The following ATAD2 variants were observed in gnomAD, a reference collection of about 807,000 sequenced individuals.
The protein encoded by ATAD2 is ATPase family AAA domain containing 2.
A neutral mutation model predicts 168.9 loss-of-function variants in ATAD2; 62 were observed. The ratio of observed to expected loss-of-function variants is 0.37; its 90% CI spans 0.30 to 0.45. The LOEUF is 0.45. ATAD2 is among the 20% of genes least tolerant of loss of function. ATAD2 has a pLI of 1.00. For missense variants in ATAD2, 1,419 were observed against 1,667.8 expected, an observed-to-expected ratio of 0.85 and a Z score of 2.60; for synonymous variants, 613 against 571.6, an observed-to-expected ratio of 1.07 and a Z score of -1.03.
At chr8:123,413,494 T>G (rs1813194683) in intron 1 of ATAD2, among the ~76,000 whole-genome samples, 2 of 152,204 alleles carry the variant, frequency 1.3e-5, no homozygotes, top group Non-Finnish European at 2.9e-5. Flanking sequence ...CTACTATTAT[T>G]ATCCTCATTT....
upstream of ATAD2, among the ~76,000 whole-genome samples, chr8:123,397,004 G>A (rs1812879918): frequency 6.6e-6 from 1 of 151,684 alleles, no homozygotes; most frequent in African/African-American, 2.4e-5. Context: ...AAAACACAAG[G>A]AGCTAAAAGC....
chr8:123,328,433 T>C lies in ATAD2; in HGVS notation c.3625A>G (p.Ser1209Gly), dbSNP rs766705616. The C allele has an allele frequency of 1.9e-6, 3 of 1,611,538 alleles. No homozygotes were observed. The Admixed American group carries it at 5.0e-5, about 27-fold the overall frequency. Residue 1209 changes from serine to glycine, a missense_variant, in exon 25 of 28, where the codon AGT becomes GGT. Physicochemically the swap from Ser to Gly is moderately conservative, Grantham distance 56. This residue lies in a region of ATAD2 where 303 missense variants were observed against 304.3 expected (regional missense o/e 1.00). Coordinates refer to ENST00000287394, the MANE Select transcript of ATAD2 (RefSeq NM_014109.4). ...ESDTEETQDT[S>G]VDHNETGNTG... ...TTTCCGGTCTCATTATGATCTACAC[T>C]TGTGTCTTGAGTTTCCTCTGTATCA...
At chr8:123,368,450 T>C (rs1221220150) in intron 8 of ATAD2, among the ~76,000 whole-genome samples, 1 of 151,328 alleles carries the variant, frequency 6.6e-6, no homozygotes, top group African/African-American at 2.4e-5. Context: ...ATAAATAAAA[T>C]AAAAATAGAA....
intron 8 of ATAD2, among the ~76,000 whole-genome samples, chr8:123,367,699 G>C (rs552185140): frequency 5.9e-4 from 90 of 152,264 alleles, no homozygotes; most frequent in African/African-American, 2.1e-3. Flanking sequence ...GAAAAGCCCT[G>C]AGAGACTGAG....
intron 1 of ATAD2, 117 bp from the exon 2 acceptor site, chr8:123,380,794 A>C (rs1313770613): frequency 1.1e-6 from 1 of 940,732 alleles, no homozygotes; most frequent in Admixed American, 2.8e-5. Context: ...GTGCAGAATC[A>C]TTTTGTATCT....
intron 1 of ATAD2, among the ~76,000 whole-genome samples, chr8:123,407,192 A>G (rs571483229): frequency 2.0e-5 from 3 of 152,334 alleles, no homozygotes; most frequent in South Asian, 2.1e-4. Context: ...AAATCTCCAG[A>G]AAGAATCAAC....
upstream of ATAD2, among the ~76,000 whole-genome samples, chr8:123,398,686 T>C (rs1368194135): frequency 6.6e-6 from 1 of 151,038 alleles, no homozygotes; most frequent in East Asian, 2.0e-4. Flanking sequence ...TAATTTGTTT[T>C]TAGAGACGGG....
chr8:123,396,346 G>T lies in ATAD2; in HGVS notation c.12C>A (p.Leu4=). MVV[L]RSSLELHNHS... The stretch of plus-strand genomic sequence containing the variant: ...GGTTGTGCAGCTCCAAGCTGCTGCG[G>T]AGAACCACCATCTTCTCTCCCTACT... The change falls in exon 1 of 28, where the codon CTC becomes CTA. Residue 4 remains leucine, a synonymous_variant. Transcript: ENST00000287394. 2.5e-6 allele frequency: 4 copies of T among 1,596,382 alleles called. No individual in the cohort carries two copies. In the East Asian group the frequency reaches 6.9e-5, roughly 28 times the overall value.
At chr8:123,344,529 A>G (rs908077485) in intron 19 of ATAD2, 7 of 182,210 alleles carry the variant, frequency 3.8e-5, no homozygotes, top group African/African-American at 1.7e-4. Context: ...TTGTATTTTT[A>G]GTAGGGACAG....
At position 123,359,685 on chromosome 8, in the gene ATAD2, C is replaced by T. The variant is rs1218817058; in HGVS notation, c.1158G>A (p.Arg386=). Residue 386 remains arginine (R), a splice_region_variant and synonymous_variant, in exon 10 of 28, where the codon AGG becomes AGA. Coordinates refer to ENST00000287394, the MANE Select transcript of ATAD2 (RefSeq NM_014109.4). ...CTTTCCGAAAATTTAGTGGGAGGCA[C>T]CTATTTAAAAAGATTTTTTAAAACC... ...RKRSRNRAIN[R]CLPLNFRKDE... 9 of 1,606,918 alleles carry T rather than the reference C, an allele frequency of 5.6e-6. No homozygotes were observed. The East Asian group carries it at 2.0e-4, about 36-fold the overall frequency.
upstream of ATAD2, among the ~76,000 whole-genome samples, chr8:123,397,199 C>A (rs1413897533): frequency 5.0e-5 from 7 of 140,070 alleles, no homozygotes; most frequent in Non-Finnish European, 1.1e-4. Flanking sequence ...CAAGATCGTG[C>A]CACTGCACTC....
chr8:123,337,047 T>C (rs1827936231), intron 21 of ATAD2, among the ~76,000 whole-genome samples: 1 of 134,208 alleles, frequency 7.5e-6, no homozygotes, highest in Non-Finnish European at 1.5e-5. Flanking sequence ...GCCTCAACCC[T>C]TACTACAAAA....
intron 1 of ATAD2, among the ~76,000 whole-genome samples, chr8:123,382,120 A>G (rs1829509912): frequency 6.6e-6 from 1 of 152,144 alleles, no homozygotes; most frequent in Non-Finnish European, 1.5e-5. Flanking sequence ...TCTATGCCCT[A>G]CTACTCTGAA....
intron 10 of ATAD2, 81 bp from the exon 11 acceptor site, chr8:123,359,417 A>T: frequency 8.1e-7 from 1 of 1,230,262 alleles, no homozygotes; most frequent in Non-Finnish European, 1.2e-6. Context: ...ACAGTCAATG[A>T]AGTAATAATA....
chr8:123,339,174 G>T (rs747358360), intron 20 of ATAD2, 137 bp downstream of exon 20: 5 of 759,544 alleles, frequency 6.6e-6, no homozygotes, highest in Non-Finnish European at 1.0e-5. Flanking sequence ...GAAGCATAGA[G>T]ATTTTTAAGC....
intron 1 of ATAD2, among the ~76,000 whole-genome samples, chr8:123,415,225 A>G (rs1400319397): frequency 6.6e-6 from 1 of 152,212 alleles, no homozygotes; most frequent in Non-Finnish European, 1.5e-5. Context: ...GGCTAAAGAT[A>G]GGGCCCCAAT....
chr8:123,357,650 C>G lies in ATAD2; in HGVS notation c.1469G>C (p.Arg490Thr). Residue 490 changes from arginine to threonine, a missense_variant, in exon 12 of 28, where the codon AGA (arginine) becomes ACA (threonine). This residue lies in a region of ATAD2 where 146 missense variants were observed against 188.3 expected (regional missense o/e 0.78). Coordinates refer to ENST00000287394, the MANE Select transcript of ATAD2 (RefSeq NM_014109.4). ...ACCTTTCCTCATGAAAAATGCTACT[C>G]TTTTATCCCCTTGACTGCACTCATT... The part of the protein sequence containing the change: ...LANECSQGDK[R>T]VAFFMRKGAD... 6.2e-7 allele frequency: 1 copy of G among 1,614,120 alleles called. No individual in the cohort carries two copies. The highest frequency in any genetic ancestry group is 8.5e-7 in the Non-Finnish European group (1 of 1,179,992).
chr8:123,333,725 A>T (rs935894798), intron 24 of ATAD2, among the ~76,000 whole-genome samples, 153 bp downstream of exon 24: 2 of 152,246 alleles, frequency 1.3e-5, no homozygotes, highest in Non-Finnish European at 2.9e-5. Flanking sequence ...ATAAACTTGG[A>T]TTTATTTCAA....
At chr8:123,330,034 C>G (rs1449860855) in intron 24 of ATAD2, among the ~76,000 whole-genome samples, 1 of 134,840 alleles carries the variant, frequency 7.4e-6, no homozygotes, top group African/African-American at 2.8e-5. Flanking sequence ...GTCACCCAGG[C>G]TGGAGTGCTG....
Sources: gnomAD v4.1 joint callset for allele counts (sites outside exome capture counted in the v4.1 genomes callset) on GRCh38, gnomAD v4.1.1 for gene constraint, gnomAD v4.1.1 regional missense constraint, MANE v1.5 for transcripts, NCBI Gene and HGNC (gene_info 2026-07-23, HGNC 2026-07-21) for gene names.